AIG1: variants seen among roughly 807,000 people sequenced by gnomAD.
The protein encoded by AIG1 is androgen-induced gene 1 protein.
A neutral mutation model predicts 31.4 loss-of-function variants in AIG1; 23 were observed. The ratio of observed to expected loss-of-function variants is 0.73; its 90% CI spans 0.53 to 1.04. The LOEUF (loss-of-function observed/expected upper bound fraction) is 1.04. AIG1 is among the 50% of genes least tolerant of loss of function. The pLI is 0.00. For missense variants in AIG1, 274 were observed against 295.0 expected (o/e 0.93, Z 0.52); for synonymous variants, 100 against 110.5 (o/e 0.90, Z 0.60).
At chr6:143,152,202 G>A (rs1375736025) in intron 2 of AIG1, among the ~76,000 whole-genome samples, 3 of 152,114 alleles carry the variant, frequency 2.0e-5, no homozygotes, top group African/African-American at 2.4e-5. Context: ...TCTAAAAAAA[G>A]CACGGTTGAT....
chr6:143,245,597 G>C (rs965945645), intron 3 of AIG1, among the ~76,000 whole-genome samples: 1 of 152,144 alleles, frequency 6.6e-6, no homozygotes, highest in African/African-American at 2.4e-5. Context: ...GCTTTGAAAA[G>C]AAATAAACAA....
At position 143,299,528 on chromosome 6, in the gene AIG1, A is replaced by G. The variant is rs1425125445; in HGVS notation, c.515+15303A>G. 1 of 152,186 alleles carries G rather than the reference A, an allele frequency of 6.6e-6. No individual in the cohort carries two copies. Among genetic ancestry groups the G allele is most frequent in the Non-Finnish European group, 1.5e-5 (1 of 68,036 alleles). 9.4% of individuals were successfully genotyped at this position (152,186 alleles called of 1,614,324 possible). ...TTACAGGTGTCATCAATTGATGGAC[A>G]TTTGGTTTGTTTCTTTTTGGCTAAA... On this transcript the variant is annotated intron_variant, in intron 4 of 5. Transcript: ENST00000357847. The surrounding 1 kb of genome is among the most constrained non-coding windows in gnomAD (Gnocchi z 4.1).
chr6:143,334,995 T>C lies in AIG1; in HGVS notation c.679+1550T>C, dbSNP rs1385162306. 12 of 997,766 alleles carry C rather than the reference T, an allele frequency of 1.2e-5. No homozygotes were observed. The highest frequency in any genetic ancestry group is 3.3e-5 in the African/African-American group (2 of 59,770). 61.8% of individuals were successfully genotyped at this position (997,766 alleles called of 1,614,324 possible). A position where few individuals can be genotyped will look rare whatever the true frequency, so the allele number is the denominator to read the frequency against. ...TTTTTTGAATGATTTGTTTAATTTATGCCATTCTTTTAAGTAACATAAGAT... is the reference window on the plus strand; with the variant it reads ...TTTTTTGAATGATTTGTTTAATTTACGCCATTCTTTTAAGTAACATAAGAT... On this transcript the variant is annotated intron_variant, in intron 5 of 5. Coordinates refer to ENST00000357847, the MANE Select transcript of AIG1 (RefSeq NM_016108.4). This position sits in a 1 kb window ranked among gnomAD's most constrained non-coding sequence, Gnocchi z 5.1.
intron 1 of AIG1, among the ~76,000 whole-genome samples, chr6:143,132,136 G>A (rs1215949825): frequency 6.6e-6 from 1 of 152,064 alleles, no homozygotes; most frequent in Non-Finnish European, 1.5e-5. Context: ...TATTTTTGCT[G>A]TAGTTAATTA....
chr6:143,136,955 T>G lies in AIG1; in HGVS notation c.262T>G (p.Trp88Gly), dbSNP rs186514792. Residue 88 changes from tryptophan (W) to glycine (G), a missense_variant, in exon 2 of 6, where the codon TGG (tryptophan) becomes GGG (glycine). Transcript: ENST00000357847. ...QLKKLISLRD[W>G]MLAVLAFPVG... is the part of the protein sequence containing the mutation. The stretch of plus-strand genomic sequence containing the variant: ...CAAGAAGCTCATCTCTCTCCGGGAC[T>G]GGATGTTAGCTGTGTTGGCCTTTCC... The G allele has an allele frequency of 1.3e-6, 2 of 1,504,276 alleles. No homozygotes were observed. The highest frequency in any genetic ancestry group is 4.9e-5 in the East Asian group (2 of 40,848). 93.2% of individuals were successfully genotyped at this position (1,504,276 alleles called of 1,614,324 possible). A position where few individuals can be genotyped will look rare whatever the true frequency, so the allele number is the denominator to read the frequency against.
intron 2 of AIG1, among the ~76,000 whole-genome samples, chr6:143,145,487 C>T (rs1287961566): frequency 3.3e-5 from 5 of 152,106 alleles, no homozygotes; most frequent in African/African-American, 1.2e-4. Flanking sequence ...GGAAGAAACT[C>T]TAGGGAGCCC....
chr6:143,138,777 C>T (rs1783995633), intron 2 of AIG1, among the ~76,000 whole-genome samples: 1 of 151,602 alleles, frequency 6.6e-6, no homozygotes, highest in Admixed American at 6.6e-5. Flanking sequence ...CCTTTAGTCC[C>T]AGCTACTCAG....
intron 3 of AIG1, among the ~76,000 whole-genome samples, chr6:143,281,638 G>C (rs998245347): frequency 7.9e-5 from 12 of 152,134 alleles, no homozygotes; most frequent in Admixed American, 4.6e-4. Context: ...CAAAACTTTA[G>C]TTATCTGTAA....
At chr6:143,212,053 C>A (rs1791635882) in intron 3 of AIG1, among the ~76,000 whole-genome samples, 1 of 152,092 alleles carries the variant, frequency 6.6e-6, no homozygotes, top group Non-Finnish European at 1.5e-5. Flanking sequence ...GGCCTGGGGG[C>A]TGTTCTGTGC....
intron 2 of AIG1, among the ~76,000 whole-genome samples, chr6:143,148,886 T>C (rs1344335739): frequency 4.7e-4 from 71 of 151,774 alleles, no homozygotes; most frequent in Admixed American, 4.6e-3. Flanking sequence ...TGTTTAGGTG[T>C]GTTTAAATAC....
intron 4 of AIG1, among the ~76,000 whole-genome samples, chr6:143,310,662 G>C (rs1775191296): frequency 1.3e-5 from 2 of 151,182 alleles, no homozygotes; most frequent in Non-Finnish European, 3.0e-5. Flanking sequence ...AGCCAAGGCT[G>C]ATTATTGTAA....
intron 1 of AIG1, among the ~76,000 whole-genome samples, chr6:143,089,040 A>G (rs60976225): frequency 0.13 from 19,673 of 151,876 alleles, 3,796 homozygotes; most frequent in African/African-American, 0.42. Flanking sequence ...GTGAAACCCC[A>G]TCTCTACTAA....
At chr6:143,132,388 A>G (rs1220079627) in intron 1 of AIG1, among the ~76,000 whole-genome samples, 4 of 152,184 alleles carry the variant, frequency 2.6e-5, no homozygotes, top group Admixed American at 2.6e-4. Flanking sequence ...TATAAGACTT[A>G]AAAGATATTG....
At chr6:143,248,182 A>G (rs1794749308) in intron 3 of AIG1, among the ~76,000 whole-genome samples, 1 of 152,202 alleles carries the variant, frequency 6.6e-6, no homozygotes, top group Non-Finnish European at 1.5e-5. Flanking sequence ...CTGCAGGGAA[A>G]AAAACAGAAA....
intron 2 of AIG1, among the ~76,000 whole-genome samples, chr6:143,154,208 T>G (rs1785505592): frequency 1.4e-5 from 2 of 145,490 alleles, no homozygotes; most frequent in Non-Finnish European, 3.0e-5. Context: ...TAAAGATATG[T>G]TTTTTTTCAT....
At chr6:143,077,494 C>A (rs1427937992) in intron 1 of AIG1, among the ~76,000 whole-genome samples, 1 of 152,154 alleles carries the variant, frequency 6.6e-6, no homozygotes, top group African/African-American at 2.4e-5. Flanking sequence ...TCTTTTCTTT[C>A]ATCACTTAAA....
intron 4 of AIG1, among the ~76,000 whole-genome samples, chr6:143,305,677 G>T (rs9800569): frequency 0.13 from 20,065 of 151,972 alleles, 1,570 homozygotes; most frequent in East Asian, 0.36. Flanking sequence ...GGTGTGGTGC[G>T]GTGCTGAAAA....
intron 3 of AIG1, among the ~76,000 whole-genome samples, chr6:143,185,224 A>AT (rs1287543072): frequency 6.6e-6 from 1 of 151,244 alleles, no homozygotes; most frequent in Non-Finnish European, 1.5e-5. Flanking sequence ...AATCTCATAT[A>AT]TTTTTCATGA....
chr6:143,156,280 A>G (rs1200971788), intron 2 of AIG1, among the ~76,000 whole-genome samples: 1 of 152,224 alleles, frequency 6.6e-6, no homozygotes, highest in Admixed American at 6.5e-5. Context: ...GTACTTGAGT[A>G]AACTATGGTA....
Sources: gnomAD v4.1 joint callset for allele counts (sites outside exome capture counted in the v4.1 genomes callset) on GRCh38, gnomAD v4.1.1 for gene constraint, Gnocchi (gnomAD v3.1) non-coding constraint, MANE v1.5 for transcripts, NCBI Gene and HGNC (gene_info 2026-07-23, HGNC 2026-07-21) for gene names.